The following KAZN variants were observed in gnomAD, a reference collection of about 807,000 sequenced individuals.
The protein encoded by KAZN is kazrin, periplakin interacting protein.
Under a neutral mutation model 87.4 loss-of-function variants are expected in KAZN, and 40 were observed. That is an observed-to-expected ratio of 0.46 (90% CI 0.36 to 0.60). The LOEUF (loss-of-function observed/expected upper bound fraction) is 0.60. KAZN is among the 20% of genes least tolerant of loss of function. The probability of loss-of-function intolerance (pLI) is 0.00; values close to 1 mark genes in which losing one functional copy is unlikely to be tolerated. For missense variants in KAZN, 898 were observed against 1,073.9 expected (o/e 0.84, Z 2.29); for synonymous variants, 466 against 458.3 (o/e 1.02, Z -0.22).
rs556626015 is a variant in KAZN, at chr1:14,252,965, T to C, written c.249+72373T>C. Among the ~76,000 whole-genome samples, 6 of 151,990 alleles carry C rather than the reference T, an allele frequency of 3.9e-5. No homozygotes were observed. In the East Asian group the frequency reaches 9.7e-4, roughly 25 times the overall value. On this transcript the variant is annotated intron_variant, in intron 2 of 16. Transcript: ENST00000636203. ...AACTGGCAGTTGAGAGAAGAGAGGG[T>C]AGAAAATTCTGCAAGAGGTTTCACA...
intron 2 of KAZN, among the ~76,000 whole-genome samples, chr1:14,966,208 G>A (rs983427280): frequency 2.0e-5 from 3 of 152,094 alleles, no homozygotes; most frequent in African/African-American, 7.2e-5. Flanking sequence ...TGGAACTCTT[G>A]ACCTTAAGCA....
chr1:14,852,553 T>C (rs1557555691), intron 1 of KAZN, among the ~76,000 whole-genome samples: 1 of 152,094 alleles, frequency 6.6e-6, no homozygotes, highest in Non-Finnish European at 1.5e-5. Context: ...CTAGGCTTGG[T>C]CAGCGTTTTC....
chr1:14,712,866 C>T (rs1425969333), intron 1 of KAZN, among the ~76,000 whole-genome samples: 1 of 152,214 alleles, frequency 6.6e-6, no homozygotes, highest in Non-Finnish European at 1.5e-5. Context: ...TTTCCCTGTG[C>T]TTTCTCACAC....
intron 2 of KAZN, among the ~76,000 whole-genome samples, chr1:14,473,663 A>AG (rs1668572486): frequency 9.6e-6 from 1 of 104,366 alleles, no homozygotes. Context: ...ACACAAAAAC[A>AG]AAAAAAAACT....
chr1:14,924,096 C>T, intron 1 of KAZN: 2 of 978,660 alleles, frequency 2.0e-6, no homozygotes, highest in Non-Finnish European at 2.4e-6. Flanking sequence ...GTCGCCAGCC[C>T]GGAAGGAGCG....
chr1:15,078,705 A>G (rs1308263371), intron 8 of KAZN, among the ~76,000 whole-genome samples: 1 of 152,190 alleles, frequency 6.6e-6, no homozygotes, highest in Non-Finnish European at 1.5e-5. Context: ...AACAGATTCT[A>G]GAAGGGCATC....
intron 1 of KAZN, among the ~76,000 whole-genome samples, chr1:14,945,423 C>T (rs1297425238): frequency 6.6e-6 from 1 of 152,190 alleles, no homozygotes; most frequent in African/African-American, 2.4e-5. Context: ...AGGGAGGATC[C>T]AGTTTCACAT....
chr1:14,392,746 G>A lies in KAZN; in HGVS notation c.250-206237G>A, dbSNP rs114409167. ...TGCCAAATGTCCCCTGGGCGGAGGC[G>A]GGTGTGGGGGTGGGGGGACAAAACT... On this transcript the variant is annotated intron_variant, in intron 2 of 16. Coordinates refer to the KAZN transcript ENST00000636203. Among the ~76,000 whole-genome samples the A allele has an allele frequency of 2.9e-3, 448 of 152,218 alleles. 2 individuals carry two copies. The highest frequency in any genetic ancestry group is 9.8e-3 in the African/African-American group (407 of 41,528).
At chr1:14,806,331 G>A (rs1646221255) in intron 1 of KAZN, among the ~76,000 whole-genome samples, 1 of 152,202 alleles carries the variant, frequency 6.6e-6, no homozygotes, top group Admixed American at 6.5e-5. Context: ...TAGCAGCTTG[G>A]CATGTCAGTC....
At chr1:14,117,814 A>G (rs527585050) in intron 1 of KAZN, among the ~76,000 whole-genome samples, 41 of 152,276 alleles carry the variant, frequency 2.7e-4, no homozygotes, top group African/African-American at 9.6e-4. Flanking sequence ...TTGCAGGTAA[A>G]TCACTGACCA....
At chr1:14,766,366 T>C (rs1418435370) in intron 1 of KAZN, among the ~76,000 whole-genome samples, 1 of 151,846 alleles carries the variant, frequency 6.6e-6, no homozygotes, top group Non-Finnish European at 1.5e-5. Context: ...CCCCAAGCAC[T>C]CACTGAGCTG....
chr1:15,048,965 G>A (rs1459588344), intron 4 of KAZN, among the ~76,000 whole-genome samples: 1 of 152,222 alleles, frequency 6.6e-6, no homozygotes, highest in Non-Finnish European at 1.5e-5. Context: ...CACCACTGCT[G>A]TCTAATTCCA....
chr1:15,048,422 A>ATGTGTGTGTGTG (rs111596883), intron 4 of KAZN, among the ~76,000 whole-genome samples: 1 of 150,820 alleles, frequency 6.6e-6, no homozygotes, highest in East Asian at 2.0e-4. Context: ...ATGTGTGTGT[A>ATGTGTGTGTGTG]TGTGTGTGTG....
At chr1:14,334,955 A>C (rs1657127377) in intron 2 of KAZN, among the ~76,000 whole-genome samples, 1 of 152,196 alleles carries the variant, frequency 6.6e-6, no homozygotes, top group Non-Finnish European at 1.5e-5. Context: ...ACAGAGAGTG[A>C]GAGAGTGACA....
At chr1:15,054,625 C>T (rs1477484797) in intron 4 of KAZN, among the ~76,000 whole-genome samples, 2 of 149,892 alleles carry the variant, frequency 1.3e-5, no homozygotes, top group Non-Finnish European at 1.5e-5. Flanking sequence ...GCACTCCGGC[C>T]TGGGCAACAG....
intron 1 of KAZN, among the ~76,000 whole-genome samples, chr1:14,836,500 G>A (rs1401569915): frequency 6.6e-6 from 1 of 152,190 alleles, no homozygotes; most frequent in Non-Finnish European, 1.5e-5. Flanking sequence ...TCCAGGTTCT[G>A]ACCCTCCAAC....
chr1:15,006,831 C>T (rs562522842), intron 2 of KAZN, among the ~76,000 whole-genome samples: 16 of 151,906 alleles, frequency 1.1e-4, no homozygotes, highest in African/African-American at 2.9e-4. Context: ...CCGAGGCAGG[C>T]GGATCACGAG....
chr1:14,731,622 T>C (rs1237114357), intron 1 of KAZN, among the ~76,000 whole-genome samples: 6 of 152,164 alleles, frequency 3.9e-5, no homozygotes, highest in South Asian at 2.1e-4. Flanking sequence ...AGGCCACATA[T>C]GGTAGATGTG....
intron 4 of KAZN, among the ~76,000 whole-genome samples, chr1:15,046,407 T>G (rs1385014775): frequency 6.6e-6 from 1 of 151,466 alleles, no homozygotes; most frequent in African/African-American, 2.4e-5. Context: ...GCTGAGTGGC[T>G]GAGGAGGAGG....
Sources: gnomAD v4.1 joint callset for allele counts (sites outside exome capture counted in the v4.1 genomes callset) on GRCh38, gnomAD v4.1.1 for gene constraint, MANE v1.5 for transcripts, NCBI Gene and HGNC (gene_info 2026-07-23, HGNC 2026-07-21) for gene names.